PCDH9: variants seen among roughly 807,000 people sequenced by gnomAD.
PCDH9 encodes the protein protocadherin-9.
A neutral mutation model predicts 70.6 loss-of-function variants in PCDH9; 24 were observed. That is an observed-to-expected ratio of 0.34 (90% CI 0.25 to 0.48). The LOEUF (loss-of-function observed/expected upper bound fraction) is 0.48. PCDH9 is among the 20% of genes least tolerant of loss of function. The probability of loss-of-function intolerance (pLI) is 0.99; values close to 1 mark genes in which losing one functional copy is unlikely to be tolerated. For synonymous variants in PCDH9, 562 were observed against 558.5 expected, an observed-to-expected ratio of 1.01 and a Z score of -0.09; for missense variants, 1,281 against 1,503.6, an observed-to-expected ratio of 0.85 and a Z score of 2.45.
chr13:66,882,832 C>T (rs932596388), intron 3 of PCDH9, among the ~76,000 whole-genome samples: 6 of 152,124 alleles, frequency 3.9e-5, no homozygotes, highest in African/African-American at 1.4e-4. Flanking sequence ...CAAAATACCT[C>T]AGTGCATAAG....
At chr13:66,670,610 A>G (rs933225909) in intron 3 of PCDH9, among the ~76,000 whole-genome samples, 1 of 152,180 alleles carries the variant, frequency 6.6e-6, no homozygotes, top group Admixed American at 6.5e-5. Flanking sequence ...TTAAATGAGA[A>G]GAGGAAGGGA....
chr13:66,307,134 A>G (rs1955482625), intron 4 of PCDH9, among the ~76,000 whole-genome samples: 2 of 152,166 alleles, frequency 1.3e-5, no homozygotes, highest in Admixed American at 6.6e-5. Flanking sequence ...ATGAATAACA[A>G]ATTTCCTAAT....
Position 67,138,946 on chromosome 13 carries a change from A to T in PCDH9, c.3036+86459T>A, listed in dbSNP as rs559881116. On this transcript the variant is annotated intron_variant, in intron 2 of 4. Transcript: ENST00000377865. ...GTTTAAGGTAAAATAATGTAAAACAATATCAACAGTATGTATGTCTATGTG... is the reference window on the plus strand; with the variant it reads ...GTTTAAGGTAAAATAATGTAAAACATTATCAACAGTATGTATGTCTATGTG... Among the ~76,000 whole-genome samples the T allele has an allele frequency of 4.6e-5, 7 of 152,344 alleles. No homozygotes were observed. The South Asian group carries it at 1.4e-3, about 32-fold the overall frequency.
At chr13:66,340,043 T>A (rs1345309054) in intron 4 of PCDH9, among the ~76,000 whole-genome samples, 4 of 152,168 alleles carry the variant, frequency 2.6e-5, no homozygotes, top group Non-Finnish European at 4.4e-5. Flanking sequence ...ATGATAAACA[T>A]GAGGTTTCTC....
intron 2 of PCDH9, among the ~76,000 whole-genome samples, chr13:67,050,708 A>G (rs961168180): frequency 2.0e-5 from 3 of 152,160 alleles, no homozygotes; most frequent in African/African-American, 7.2e-5. Flanking sequence ...AAGATACAAA[A>G]CTAATGAAAC....
intron 2 of PCDH9, among the ~76,000 whole-genome samples, chr13:67,084,916 G>A (rs532429354): frequency 3.2e-5 from 4 of 126,116 alleles, no homozygotes; most frequent in Admixed American, 2.9e-4. Flanking sequence ...GCAGTGAGCC[G>A]AGATCACACC....
intron 3 of PCDH9, among the ~76,000 whole-genome samples, chr13:66,863,534 G>T (rs1265709958): frequency 2.6e-5 from 4 of 152,078 alleles, no homozygotes; most frequent in Non-Finnish European, 4.4e-5. Flanking sequence ...TCGCCCACCT[G>T]GAGTGCAGTG....
At chr13:66,602,548 G>T (rs1406887067) in intron 4 of PCDH9, among the ~76,000 whole-genome samples, 1 of 145,626 alleles carries the variant, frequency 6.9e-6, no homozygotes, top group African/African-American at 2.5e-5. Flanking sequence ...AAAGAAATAA[G>T]TATTTTTGTA....
At chr13:66,551,224 C>T (rs116972220) in intron 4 of PCDH9, among the ~76,000 whole-genome samples, 1,861 of 152,188 alleles carry the variant, frequency 0.012, 24 homozygotes, top group Middle Eastern at 0.048. Context: ...TCCCCAAGGA[C>T]CATATCCAAT....
intron 3 of PCDH9, among the ~76,000 whole-genome samples, chr13:66,652,584 G>A (rs1487125836): frequency 1.9e-4 from 29 of 149,598 alleles, no homozygotes; most frequent in Middle Eastern, 6.9e-3. Flanking sequence ...GGTTCAATCT[G>A]TAAAAAAAAA....
At chr13:66,589,445 C>T (rs2077010739) in intron 4 of PCDH9, among the ~76,000 whole-genome samples, 1 of 152,024 alleles carries the variant, frequency 6.6e-6, no homozygotes, top group Non-Finnish European at 1.5e-5. Context: ...TGTAGCAAAA[C>T]CTTGCCCTGT....
chr13:67,206,342 T>G (rs1249634264), intron 2 of PCDH9: 1 of 152,054 alleles, frequency 6.6e-6, no homozygotes, highest in African/African-American at 2.4e-5. Context: ...ATTTTTGTAT[T>G]TTTAGTAGAG....
chr13:66,901,049 C>A (rs2082268775), intron 3 of PCDH9, among the ~76,000 whole-genome samples: 1 of 151,014 alleles, frequency 6.6e-6, no homozygotes, highest in African/African-American at 2.4e-5. Flanking sequence ...CTAAAACTGC[C>A]CATTTTATTA....
chr13:66,990,725 A>C (rs2083985908), intron 2 of PCDH9, among the ~76,000 whole-genome samples: 2 of 151,472 alleles, frequency 1.3e-5, no homozygotes, highest in South Asian at 4.1e-4. Flanking sequence ...GAAGAGGGTA[A>C]AGTAGATGTT....
chr13:66,825,779 C>A (rs886937869), intron 3 of PCDH9, among the ~76,000 whole-genome samples: 1 of 152,168 alleles, frequency 6.6e-6, no homozygotes, highest in Non-Finnish European at 1.5e-5. Flanking sequence ...AACAACTACT[C>A]TACATGAATG....
At chr13:67,028,732 T>C (rs2084843873) in intron 2 of PCDH9, among the ~76,000 whole-genome samples, 1 of 152,134 alleles carries the variant, frequency 6.6e-6, no homozygotes, top group South Asian at 2.1e-4. Flanking sequence ...ATTACTAATA[T>C]GTATTTCTTC....
chr13:66,971,987 A>C (rs9529161), intron 2 of PCDH9, among the ~76,000 whole-genome samples: 7,325 of 151,974 alleles, frequency 0.048, 244 homozygotes, highest in Non-Finnish European at 0.081. Flanking sequence ...TAATGTTATT[A>C]TAAATGTTGG....
chr13:66,529,981 T>A (rs2138629979), intron 4 of PCDH9, among the ~76,000 whole-genome samples: 1 of 151,872 alleles, frequency 6.6e-6, no homozygotes, highest in East Asian at 1.9e-4. Flanking sequence ...TAAATACACA[T>A]ACAACACATT....
intron 2 of PCDH9, among the ~76,000 whole-genome samples, chr13:67,015,701 C>T (rs1179709012): frequency 6.6e-6 from 1 of 152,128 alleles, no homozygotes; most frequent in Non-Finnish European, 1.5e-5. Context: ...ATTCAACATC[C>T]ACCTACTATT....
Sources: gnomAD v4.1 joint callset for allele counts (sites outside exome capture counted in the v4.1 genomes callset) on GRCh38, gnomAD v4.1.1 for gene constraint, MANE v1.5 for transcripts, NCBI Gene and HGNC (gene_info 2026-07-23, HGNC 2026-07-21) for gene names.